TP63: variants seen among roughly 807,000 people sequenced by gnomAD.
The protein encoded by TP63 is tumor protein 63.
A neutral mutation model predicts 82.8 loss-of-function variants in TP63; 17 were observed. The ratio of observed to expected loss-of-function variants is 0.21; its 90% CI spans 0.14 to 0.31. TP63 has a LOEUF of 0.31. TP63 is among the 10% of genes least tolerant of loss of function. The pLI is 1.00. For missense variants in TP63, 648 were observed against 895.3 expected (o/e 0.72, Z 3.52); for synonymous variants, 330 against 321.7 (o/e 1.03, Z -0.28).
chr3:189,756,020 G>A (rs1424805207), intron 3 of TP63, among the ~76,000 whole-genome samples: 3 of 152,140 alleles, frequency 2.0e-5, no homozygotes. Flanking sequence ...GAAATAATAT[G>A]AGTGAAGAGG....
At chr3:189,629,718 A>G (rs1729395568), upstream of TP63, among the ~76,000 whole-genome samples, 1 of 152,192 alleles carries the variant, frequency 6.6e-6, no homozygotes, top group Admixed American at 6.5e-5. Flanking sequence ...TAGGTGCCTC[A>G]CGGGCACATT....
At chr3:189,824,617 T>A (rs1185686264) in intron 4 of TP63, among the ~76,000 whole-genome samples, 1 of 152,164 alleles carries the variant, frequency 6.6e-6, no homozygotes, top group East Asian at 1.9e-4. Context: ...GGGTGGCTGC[T>A]GTCACACGGC....
chr3:189,863,218 C>T (rs568020363), intron 4 of TP63, among the ~76,000 whole-genome samples: 10 of 152,116 alleles, frequency 6.6e-5, no homozygotes, highest in African/African-American at 2.4e-4. Context: ...TACTAGGTGC[C>T]CCACTCTTGG....
chr3:189,809,517 TAATC>T (rs1379554639), intron 4 of TP63, among the ~76,000 whole-genome samples: 1 of 150,070 alleles, frequency 6.7e-6, no homozygotes, highest in Non-Finnish European at 1.5e-5. Flanking sequence ...TCAAACAACT[TAATC>T]AAGACCAAAG....
chr3:189,710,970 CA>C (rs1385483859), intron 1 of TP63, among the ~76,000 whole-genome samples: 1 of 152,154 alleles, frequency 6.6e-6, no homozygotes, highest in African/African-American at 2.4e-5. Flanking sequence ...CTCTCTTCTC[CA>C]AAAACTATAA....
intron 3 of TP63, among the ~76,000 whole-genome samples, chr3:189,784,585 C>A (rs1724460596): frequency 6.6e-6 from 1 of 152,136 alleles, no homozygotes; most frequent in East Asian, 1.9e-4. Context: ...ATAAAAAGTG[C>A]AGAATCTAAA....
chr3:189,867,443 G>A (rs560284091), intron 6 of TP63, among the ~76,000 whole-genome samples: 1 of 152,288 alleles, frequency 6.6e-6, no homozygotes, highest in African/African-American at 2.4e-5. Context: ...ATATTGTACT[G>A]TTTTATCCAC....
chr3:189,746,011 TA>T (rs1467929753), intron 3 of TP63, among the ~76,000 whole-genome samples: 2 of 152,068 alleles, frequency 1.3e-5, no homozygotes, highest in African/African-American at 4.8e-5. Flanking sequence ...AAATAATTCA[TA>T]AAAATATCCC....
At chr3:189,754,788 A>T (rs145693962) in intron 3 of TP63, among the ~76,000 whole-genome samples, 5 of 152,236 alleles carry the variant, frequency 3.3e-5, no homozygotes, top group African/African-American at 1.2e-4. Flanking sequence ...GGTCTCTATC[A>T]GGCTCCTAGA....
chr3:189,768,255 A>G (rs1393608532), intron 3 of TP63, among the ~76,000 whole-genome samples: 3 of 152,070 alleles, frequency 2.0e-5, no homozygotes, highest in Non-Finnish European at 1.5e-5. Context: ...GGTTCAATAA[A>G]CGTGGGCTTT....
At chr3:189,616,933 C>T in the TP63 span, among the ~76,000 whole-genome samples, 1 of 152,204 alleles carries the variant, frequency 6.6e-6, no homozygotes, top group African/African-American at 2.4e-5. Flanking sequence ...GAAACCTTCC[C>T]TGTCACTCAG....
upstream of TP63, among the ~76,000 whole-genome samples, chr3:189,629,548 G>A (rs1047520428): frequency 3.9e-5 from 6 of 152,022 alleles, no homozygotes; most frequent in Non-Finnish European, 7.4e-5. Context: ...TAGAGACGTC[G>A]AATTGTAAAT....
At chr3:189,814,149 A>G (rs1727903727) in intron 4 of TP63, among the ~76,000 whole-genome samples, 1 of 152,176 alleles carries the variant, frequency 6.6e-6, no homozygotes, top group African/African-American at 2.4e-5. Context: ...CCCTGTCATC[A>G]GGTTACCTGT....
intron 3 of TP63, among the ~76,000 whole-genome samples, chr3:189,763,123 AATT>A (rs1722701911): frequency 1.3e-5 from 2 of 151,946 alleles, no homozygotes; most frequent in Admixed American, 1.3e-4. Flanking sequence ...AAAATTTAAA[AATT>A]ATCTGGGCAT....
At chr3:189,745,708 CAAA>C (rs71298529) in intron 3 of TP63, among the ~76,000 whole-genome samples, 6 of 17,786 alleles carry the variant, frequency 3.4e-4, no homozygotes, top group East Asian at 2.5e-3. Context: ...AACTCCATCT[CAAA>C]AAAAAAAAAA....
intron 4 of TP63, among the ~76,000 whole-genome samples, chr3:189,832,736 G>A (rs903520456): frequency 6.6e-6 from 1 of 152,098 alleles, no homozygotes; most frequent in African/African-American, 2.4e-5. Context: ...TTACACTGTG[G>A]GAACTGGTTC....
chr3:189,603,873 C>A, the TP63 span, among the ~76,000 whole-genome samples: 1 of 151,532 alleles, frequency 6.6e-6, no homozygotes. Context: ...AGAAACAAAA[C>A]CAACAAAAAG....
chr3:189,765,083 C>T (rs1722836865), intron 3 of TP63, among the ~76,000 whole-genome samples: 1 of 152,106 alleles, frequency 6.6e-6, no homozygotes, highest in South Asian at 2.1e-4. Flanking sequence ...AAGGAATCAG[C>T]AGAAACCATC....
chr3:189,887,193 AGT>A (rs1720536235), intron 11 of TP63, among the ~76,000 whole-genome samples: 4 of 147,786 alleles, frequency 2.7e-5, no homozygotes, highest in Admixed American at 1.4e-4. Context: ...TGGGTGACAG[AGT>A]GAGACTCAGT....
Sources: allele counts gnomAD v4.1 joint callset (sites outside exome capture counted in the v4.1 genomes callset), GRCh38; gene constraint gnomAD v4.1.1; transcripts MANE v1.5; gene names NCBI Gene and HGNC (gene_info 2026-07-23, HGNC 2026-07-21).